SMAD2: variants seen among roughly 807,000 people sequenced by gnomAD.
SMAD2 encodes SMAD family member 2, also known as MAD homolog 2.
In SMAD2, 8 loss-of-function variants were observed where a neutral mutation model predicts 64.4. That is an observed-to-expected ratio of 0.12 (90% CI 0.07 to 0.22). The LOEUF is 0.22. Among genes scored for constraint, SMAD2 ranks in the 10% least tolerant of loss-of-function variants. SMAD2 has a pLI of 1.00. For synonymous variants in SMAD2, 203 were observed against 195.8 expected, an observed-to-expected ratio of 1.04 and a Z score of -0.31; for missense variants, 289 against 561.2, an observed-to-expected ratio of 0.51 and a Z score of 4.90.
intron 6 of SMAD2, among the ~76,000 whole-genome samples, chr18:47,863,496 G>A (rs981254422): frequency 6.6e-6 from 1 of 152,076 alleles, no homozygotes; most frequent in African/African-American, 2.4e-5. Context: ...TGCTCCTCCT[G>A]TGTTTCAGTT....
intron 1 of SMAD2, among the ~76,000 whole-genome samples, chr18:47,927,128 A>G (rs1204616358): frequency 6.6e-6 from 1 of 152,212 alleles, no homozygotes; most frequent in Non-Finnish European, 1.5e-5. Context: ...TTCTTTCCTT[A>G]ACCAGCTTCT....
intron 2 of SMAD2, among the ~76,000 whole-genome samples, chr18:47,891,639 C>T (rs896359077): frequency 1.1e-4 from 17 of 151,954 alleles, no homozygotes; most frequent in Admixed American, 1.3e-4. Flanking sequence ...ACCCTCCTGC[C>T]TCAACCTCCC....
intron 5 of SMAD2, among the ~76,000 whole-genome samples, chr18:47,865,768 C>T (rs1018349999): frequency 3.9e-5 from 6 of 152,132 alleles, no homozygotes; most frequent in Admixed American, 2.6e-4. Context: ...AGGTAAAATG[C>T]TCCCTGAAAA....
rs1912408410 is a variant in SMAD2 at position 47,817,390 on chromosome 18, A to G, written c.*24437T>C. On this transcript the variant is annotated 3_prime_UTR_variant, in exon 11 of 11. Coordinates refer to ENST00000262160, the MANE Select transcript of SMAD2 (RefSeq NM_005901.6). ...ACTTTACATCCCTCCTGGGATGACA[A>G]AAGACTTTTTGTCTTTCCTGGCAAG... 1 of 152,242 alleles carries G rather than the reference A, an allele frequency of 6.6e-6. No homozygotes were observed. 9.4% of individuals were successfully genotyped at this position (152,242 alleles called of 1,614,324 possible).
At position 47,834,730 on chromosome 18, in the gene SMAD2, T is replaced by C; in HGVS notation, c.*7097A>G. On this transcript the variant is annotated 3_prime_UTR_variant, in exon 11 of 11. Coordinates refer to ENST00000262160, the MANE Select transcript of SMAD2 (RefSeq NM_005901.6). ...TAAAAGCTCACTCTTGAAATCTGTT[T>C]TCAGACAAATCTTCTAAAGGTTCTT... is the stretch of plus-strand genomic sequence containing the variant. The C allele has an allele frequency of 4.5e-6, 1 of 221,302 alleles. No homozygotes were observed. The highest frequency in any genetic ancestry group is 9.1e-6 in the Non-Finnish European group (1 of 110,478). 13.7% of individuals were successfully genotyped at this position (221,302 alleles called of 1,614,324 possible).
In SMAD2 at chr18:47,870,681, C is replaced by T; in HGVS notation, c.237-117G>A. The T allele has an allele frequency of 6.4e-6, 5 of 776,748 alleles. No individual in the cohort carries two copies. The Admixed American group carries it at 8.9e-5, about 14-fold the overall frequency. The allele number at this position is 776,748 out of a possible 1,614,324, so 48.1% of individuals were successfully genotyped here. A position where few individuals can be genotyped will look rare whatever the true frequency, so the allele number is the denominator to read the frequency against. On this transcript the variant is annotated intron_variant, in intron 2 of 10. Transcript: ENST00000262160. ...ATACTTCCTTCACCCAGAAAATATA[C>T]AATTGCTTCACTTTTTCACAGGCAT...
intron 1 of SMAD2, among the ~76,000 whole-genome samples, chr18:47,912,040 A>G (rs2034157640): frequency 6.6e-6 from 1 of 152,188 alleles, no homozygotes; most frequent in South Asian, 2.1e-4. Flanking sequence ...CAACCTTTGG[A>G]AGGGAAAGGT....
At chr18:47,896,103 T>C (rs375567890) in intron 2 of SMAD2, among the ~76,000 whole-genome samples, 21 of 152,350 alleles carry the variant, frequency 1.4e-4, no homozygotes, top group African/African-American at 3.8e-4. Flanking sequence ...TTGGAAGCAA[T>C]GCTGCAACGC....
chr18:47,848,560 G>A lies in SMAD2; in HGVS notation c.912C>T (p.Asp304=), dbSNP rs767231756. Residue 304 remains aspartate, a synonymous_variant, in exon 8 of 11, where the codon GAC becomes GAT. Coordinates refer to ENST00000262160, the MANE Select transcript of SMAD2 (RefSeq NM_005901.6). ...QPSLTVDGFT[D]PSNSERFCLG... ...AGCAGAACCTCTCTGAATTTGATGG[G>A]TCTGTAAAGCCATCTACAGTGAGTG... 6 of 1,613,236 alleles carry A rather than the reference G, an allele frequency of 3.7e-6. No individual in the cohort carries two copies. Among genetic ancestry groups the A allele is most frequent in the Non-Finnish European group, 5.1e-6 (6 of 1,179,340 alleles).
rs1419744603 is a variant in SMAD2 at position 47,820,308 on chromosome 18, A to G, written c.*21519T>C. 1 of 152,212 alleles carries G rather than the reference A, an allele frequency of 6.6e-6. No individual in the cohort carries two copies. Among genetic ancestry groups the G allele is most frequent in the African/African-American group, 2.4e-5 (1 of 41,468 alleles). 9.4% of individuals were successfully genotyped at this position (152,212 alleles called of 1,614,324 possible). ...AATTTTGCTTCCTAGGTTTTCACTA[A>G]AAATTAAGGTTAATAAGTTAAAATT... On this transcript the variant is annotated 3_prime_UTR_variant, in exon 11 of 11. Coordinates refer to ENST00000262160, the MANE Select transcript of SMAD2 (RefSeq NM_005901.6).
rs1177107711 is a variant in SMAD2 at position 47,839,676 on chromosome 18, C to A, written c.*2151G>T. ...AAGGCCACCTTCAAAATGTTATGAA[C>A]TGTAGAACCATTCTGATCTTCAAGT... is the stretch of plus-strand genomic sequence containing the variant. On this transcript the variant is annotated 3_prime_UTR_variant, in exon 11 of 11. Coordinates refer to ENST00000262160, the MANE Select transcript of SMAD2 (RefSeq NM_005901.6). 1 of 233,292 alleles carries A rather than the reference C, an allele frequency of 4.3e-6. No individual in the cohort carries two copies. The highest frequency in any genetic ancestry group is 8.5e-6 in the Non-Finnish European group (1 of 118,072). 14.5% of individuals were successfully genotyped at this position (233,292 alleles called of 1,614,324 possible).
intron 7 of SMAD2, among the ~76,000 whole-genome samples, chr18:47,850,196 G>T (rs1258218453): frequency 1.3e-4 from 10 of 75,126 alleles, no homozygotes; most frequent in Admixed American, 7.2e-4. Flanking sequence ...ATTATATATA[G>T]TATATATATA....
intron 1 of SMAD2, among the ~76,000 whole-genome samples, chr18:47,917,895 A>C (rs1317925052): frequency 6.6e-6 from 1 of 152,168 alleles, no homozygotes; most frequent in East Asian, 1.9e-4. Flanking sequence ...GGATAGGGAG[A>C]AGAGGTAAGG....
intron 1 of SMAD2, among the ~76,000 whole-genome samples, chr18:47,898,714 A>C (rs1158671008): frequency 6.6e-6 from 1 of 152,156 alleles, no homozygotes; most frequent in Non-Finnish European, 1.5e-5. Context: ...CTAGTGAAGA[A>C]GACTGCCATG....
intron 6 of SMAD2, among the ~76,000 whole-genome samples, chr18:47,857,482 T>A (rs1263776973): frequency 2.0e-5 from 3 of 152,206 alleles, no homozygotes; most frequent in Non-Finnish European, 4.4e-5. Flanking sequence ...CCCCTTATAG[T>A]TAGTATGTAG....
chr18:47,850,504 TTA>T lies in SMAD2; in HGVS notation c.784+768_784+769del, dbSNP rs1334141535. On this transcript the variant is annotated intron_variant, in intron 7 of 10. Coordinates refer to ENST00000262160, the MANE Select transcript of SMAD2 (RefSeq NM_005901.6). ...TATTATATATTATGTATAATATATG[TTA>T]TATATATAATATATATTATGTATAA... Among the ~76,000 whole-genome samples, 16 of 11,442 alleles carry T rather than the reference TTA, an allele frequency of 1.4e-3. 3 individuals carry two copies. The highest frequency in any genetic ancestry group is 2.6e-3 in the South Asian group (1 of 388). 7.5% of individuals were successfully genotyped at this position (11,442 alleles called of 152,430 possible). A position where few individuals can be genotyped will look rare whatever the true frequency, so the allele number is the denominator to read the frequency against.
intron 6 of SMAD2, among the ~76,000 whole-genome samples, chr18:47,854,071 CAATT>C (rs762135450): frequency 2.1e-5 from 3 of 145,814 alleles, no homozygotes; most frequent in South Asian, 2.2e-4. Flanking sequence ...AATAAGCTAA[CAATT>C]AATAGAAGCC....
intron 5 of SMAD2, among the ~76,000 whole-genome samples, chr18:47,865,708 TA>T (rs1371605629): frequency 6.6e-6 from 1 of 152,214 alleles, no homozygotes; most frequent in East Asian, 1.9e-4. Context: ...TGGTAAAGTC[TA>T]AGTGTTTGAA....
chr18:47,843,570 T>A (rs1006343400), intron 10 of SMAD2, among the ~76,000 whole-genome samples: 1 of 152,218 alleles, frequency 6.6e-6, no homozygotes, highest in Admixed American at 6.5e-5. Context: ...AAAAATAGTT[T>A]TAGAAACCTA....
Sources: gnomAD v4.1 joint callset for allele counts (sites outside exome capture counted in the v4.1 genomes callset) on GRCh38, gnomAD v4.1.1 for gene constraint, MANE v1.5 for transcripts, NCBI Gene and HGNC (gene_info 2026-07-23, HGNC 2026-07-21) for gene names.